Variants in CREB3L3 observed in about 807,000 individuals in gnomAD.
The protein encoded by CREB3L3 is cAMP responsive element binding protein 3 like 3.
Under a neutral mutation model 44.6 loss-of-function variants are expected in CREB3L3, and 40 were observed. The observed-to-expected ratio is 0.90, with a 90% CI of 0.70 to 1.17. The LOEUF is 1.17. CREB3L3 is among the 50% of genes most tolerant of loss of function. The probability of loss-of-function intolerance (pLI) is 0.00; values close to 1 mark genes in which losing one functional copy is unlikely to be tolerated. For missense variants in CREB3L3, 578 were observed against 595.8 expected, an observed-to-expected ratio of 0.97 and a Z score of 0.31; for synonymous variants, 273 against 256.3, an observed-to-expected ratio of 1.06 and a Z score of -0.62.
Position 4,164,634 on chromosome 19 carries a change from C to T in CREB3L3, c.708C>T (p.Leu236=). 1 of 1,614,056 alleles carries T rather than the reference C, an allele frequency of 6.2e-7. No homozygotes were observed. The change falls in exon 5 of 10, where the codon CTC becomes CTT. Residue 236 remains leucine (L), a synonymous_variant. Transcript: ENST00000078445. ...EGITLPTQLP[L]TKYEERVLKK... Reference sequence around the variant, plus strand: ...TCACCCTGCCCACTCAGCTGCCCCTCACTAAGGTGAGTCTGGGGGGACTTC... The same window carrying T: ...TCACCCTGCCCACTCAGCTGCCCCTTACTAAGGTGAGTCTGGGGGGACTTC...
At chr19:4,169,584 CTTTTTTTTTTTTT>C (rs34259250) in intron 6 of CREB3L3, among the ~76,000 whole-genome samples, 1 of 95,140 alleles carries the variant, frequency 1.1e-5, no homozygotes, top group Non-Finnish European at 2.0e-5. Flanking sequence ...GGAGGCTCAG[CTTTTTTTTTTTTT>C]TTTTTTTTTT....
chr19:4,168,721 C>A (rs1435280326), intron 6 of CREB3L3, among the ~76,000 whole-genome samples: 2 of 152,150 alleles, frequency 1.3e-5, no homozygotes, highest in Admixed American at 6.6e-5. Flanking sequence ...GACCCTCTGC[C>A]TGAAGATAGA....
chr19:4,163,833 C>A (rs1425451284), intron 4 of CREB3L3, among the ~76,000 whole-genome samples: 2 of 141,154 alleles, frequency 1.4e-5, no homozygotes, highest in African/African-American at 5.3e-5. Flanking sequence ...GAGACAGAGT[C>A]TTACTCTGTC....
rs1386126057 is a variant in CREB3L3 at position 4,171,036 on chromosome 19, A to G, written c.891-55A>G. The G allele has an allele frequency of 5.6e-6, 8 of 1,417,428 alleles. No individual in the cohort carries two copies. The highest frequency in any genetic ancestry group is 7.0e-6 in the Non-Finnish European group (7 of 1,000,736). The allele number at this position is 1,417,428 out of a possible 1,614,324, so 87.8% of individuals were successfully genotyped here. A position where few individuals can be genotyped will look rare whatever the true frequency, so the allele number is the denominator to read the frequency against. ...GGCTGGGGGACCCCGGAAATGGACG[A>G]GAAGCAGAACCGAGGCCCTTTAGGG... is the stretch of plus-strand genomic sequence containing the variant. On this transcript the variant is annotated intron_variant, in intron 7 of 9. Transcript: ENST00000078445. The surrounding 1 kb of genome is among the most constrained non-coding windows in gnomAD (Gnocchi z 4.9).
intron 4 of CREB3L3, among the ~76,000 whole-genome samples, chr19:4,160,892 C>T (rs1334935007): frequency 6.9e-6 from 1 of 144,570 alleles, no homozygotes; most frequent in African/African-American, 2.6e-5. Context: ...TGCCGCGCCA[C>T]CTGTCTAATT....
chr19:4,162,160 C>T (rs2041669506), intron 4 of CREB3L3, among the ~76,000 whole-genome samples: 1 of 152,078 alleles, frequency 6.6e-6, no homozygotes, highest in South Asian at 2.1e-4. Context: ...TGCCTGCCAC[C>T]ATGCCCGACT....
intron 4 of CREB3L3, among the ~76,000 whole-genome samples, chr19:4,161,126 G>A (rs1411901668): frequency 6.6e-6 from 1 of 151,980 alleles, no homozygotes; most frequent in African/African-American, 2.4e-5. Flanking sequence ...TATTAGCCAG[G>A]ATTTTTTTTG....
intron 5 of CREB3L3, among the ~76,000 whole-genome samples, chr19:4,166,873 C>T (rs912318826): frequency 1.3e-5 from 2 of 152,016 alleles, no homozygotes; most frequent in African/African-American, 4.8e-5. Context: ...CATGCACCAC[C>T]ACACCCAGCT....
chr19:4,168,994 C>A (rs1422335138), intron 6 of CREB3L3, among the ~76,000 whole-genome samples: 1 of 152,044 alleles, frequency 6.6e-6, no homozygotes, highest in African/African-American at 2.4e-5. Flanking sequence ...CTCAGCCTCC[C>A]AAAGTGCTGG....
At chr19:4,163,713 A>T (rs192330261) in intron 4 of CREB3L3, among the ~76,000 whole-genome samples, 2 of 151,252 alleles carry the variant, frequency 1.3e-5, no homozygotes, top group East Asian at 3.9e-4. Flanking sequence ...GGGTTTCACC[A>T]TGTTGGCCAG....
Position 4,171,616 on chromosome 19 carries a change from C to T in CREB3L3, c.1073-40C>T, listed in dbSNP as rs574439297. 1.1e-4 allele frequency: 185 copies of T among 1,609,646 alleles called. No homozygotes were observed. In the South Asian group the frequency reaches 1.9e-3, roughly 16 times the overall value. On this transcript the variant is annotated intron_variant, in intron 9 of 9. Transcript: ENST00000078445. The surrounding 1 kb of genome is among the most constrained non-coding windows in gnomAD (Gnocchi z 4.9). Reference sequence around the variant, plus strand: ...CAGGGAAGGGAGCATAGGACCCCACCTCCACCTTGTCCCCTGTGATGCCCC... The same window carrying T: ...CAGGGAAGGGAGCATAGGACCCCACTTCCACCTTGTCCCCTGTGATGCCCC...
chr19:4,155,099 C>T (rs867352169), intron 2 of CREB3L3, 72 bp downstream of exon 2: 16 of 1,578,454 alleles, frequency 1.0e-5, no homozygotes, highest in Middle Eastern at 2.0e-4. Flanking sequence ...CACGAAGGTG[C>T]TAGACCCGCC....
Position 4,170,672 on chromosome 19 carries a change from G to A in CREB3L3, c.891-419G>A, listed in dbSNP as rs560531113. Among the ~76,000 whole-genome samples the A allele has an allele frequency of 7.2e-5, 11 of 151,972 alleles. No individual in the cohort carries two copies. In the East Asian group the frequency reaches 2.1e-3, roughly 29 times the overall value. On this transcript the variant is annotated intron_variant, in intron 7 of 9. Transcript: ENST00000078445. Reference sequence around the variant, plus strand: ...CGCCTGTAATCCCAGCACTTTGGGAGGCTGAGGTGGGCGGATCACAAGGTC... The same window carrying A: ...CGCCTGTAATCCCAGCACTTTGGGAAGCTGAGGTGGGCGGATCACAAGGTC...
chr19:4,155,282 G>A (rs1440592456), intron 2 of CREB3L3, among the ~76,000 whole-genome samples: 1 of 152,062 alleles, frequency 6.6e-6, no homozygotes, highest in African/African-American at 2.4e-5. Context: ...TTGGAGTTAG[G>A]TTCAAACTCA....
In CREB3L3 at chr19:4,171,495, C is replaced by A; in HGVS notation, c.1072+16C>A. 1 of 1,613,066 alleles carries A rather than the reference C, an allele frequency of 6.2e-7. No individual in the cohort carries two copies. The highest frequency in any genetic ancestry group is 8.5e-7 in the Non-Finnish European group (1 of 1,179,102). ...CCTGTACGAGGTAGGGGATCCCCAC[C>A]TTTGAAACCCTTGTCTGGTCTCCCC... On this transcript the variant is annotated intron_variant, in intron 9 of 9. Coordinates refer to ENST00000078445, the MANE Select transcript of CREB3L3 (RefSeq NM_032607.3). This position sits in a 1 kb window ranked among gnomAD's most constrained non-coding sequence, Gnocchi z 4.9.
intron 1 of CREB3L3, 150 bp downstream of exon 1, chr19:4,153,924 T>C: frequency 1.0e-6 from 1 of 971,250 alleles, no homozygotes; most frequent in Non-Finnish European, 1.6e-6. Flanking sequence ...CAAAACTGTG[T>C]GCCTTTGCCC....
In CREB3L3 at chr19:4,157,207, C is replaced by T; in HGVS notation, c.369C>T (p.Cys123=). 6.2e-7 allele frequency: 1 copy of T among 1,614,094 alleles called. No individual in the cohort carries two copies. The highest frequency in any genetic ancestry group is 8.5e-7 in the Non-Finnish European group (1 of 1,179,996). ...CTGCCCAGCCTGGCAAGGGGCCCTG[C>T]CTCTCCTATCATCCTGGCAACTCTT... is the stretch of plus-strand genomic sequence containing the variant. ...CHPAQPGKGP[C]LSYHPGNSCS... Residue 123 remains cysteine, a synonymous_variant, in exon 3 of 10, where the codon TGC becomes TGT. Transcript: ENST00000078445.
At chr19:4,155,203 G>T (rs902816282) in intron 2 of CREB3L3, among the ~76,000 whole-genome samples, 176 bp downstream of exon 2, 1 of 152,182 alleles carries the variant, frequency 6.6e-6, no homozygotes, top group Non-Finnish European at 1.5e-5. Flanking sequence ...GGTAGCATCA[G>T]CTCCTTCTTA....
At chr19:4,153,935 C>T (rs554818776) in intron 1 of CREB3L3, among the ~76,000 whole-genome samples, 161 bp downstream of exon 1, 12 of 152,260 alleles carry the variant, frequency 7.9e-5, no homozygotes, top group South Asian at 6.2e-4. Flanking sequence ...GCCTTTGCCC[C>T]GGGGCTGCCC....
Sources: gnomAD v4.1 joint callset for allele counts (sites outside exome capture counted in the v4.1 genomes callset) on GRCh38, gnomAD v4.1.1 for gene constraint, Gnocchi (gnomAD v3.1) non-coding constraint, MANE v1.5 for transcripts, NCBI Gene and HGNC (gene_info 2026-07-23, HGNC 2026-07-21) for gene names.